OCM: variants seen among roughly 807,000 people sequenced by gnomAD.
The protein encoded by OCM is oncomodulin.
OCM carries 18 observed loss-of-function variants against 14.1 expected under a neutral mutation model. That is an observed-to-expected ratio of 1.28 (90% CI 0.88 to 1.89). The LOEUF (loss-of-function observed/expected upper bound fraction) is 1.89. OCM is among the 40% of genes most tolerant of loss of function. The pLI, the probability that OCM is intolerant of heterozygous loss-of-function variation, is 0.00. For synonymous variants in OCM, 48 were observed against 51.0 expected (o/e 0.94, Z 0.25); for missense variants, 140 against 137.6 (o/e 1.02, Z -0.09).
chr7:5,867,428 C>T, the OCM span, among the ~76,000 whole-genome samples: 1,224 of 152,272 alleles, frequency 8.0e-3, 14 homozygotes, highest in African/African-American at 0.028. Flanking sequence ...TGGTTTTAAA[C>T]AATTTTATAA....
At chr7:5,876,228 TC>T (rs1781092854), upstream of OCM, among the ~76,000 whole-genome samples, 1 of 152,170 alleles carries the variant, frequency 6.6e-6, no homozygotes, top group South Asian at 2.1e-4. Flanking sequence ...GGCCTCGAAC[TC>T]CTGACCTCAG....
the OCM span, among the ~76,000 whole-genome samples, chr7:5,871,097 A>C: frequency 1.3e-5 from 2 of 152,080 alleles, no homozygotes. Context: ...CTGTAATCCC[A>C]GCAGTTTGGG....
At chr7:5,882,404 G>A in intron 1 of OCM, 89 bp from the exon 2 acceptor site, 2 of 1,472,112 alleles carry the variant, frequency 1.4e-6, no homozygotes, top group South Asian at 1.2e-5. Context: ...TTGTTGAAGT[G>A]TTTTTAATTA....
At chr7:5,873,581 G>T in the OCM span, among the ~76,000 whole-genome samples, 2 of 152,036 alleles carry the variant, frequency 1.3e-5, no homozygotes, top group Non-Finnish European at 2.9e-5. Flanking sequence ...CTGGGCTCAA[G>T]CAATGCTCCT....
chr7:5,884,605 T>C (rs1428075643), intron 3 of OCM, among the ~76,000 whole-genome samples: 3 of 152,146 alleles, frequency 2.0e-5, no homozygotes, highest in Non-Finnish European at 4.4e-5. Context: ...TTTTGTCATG[T>C]TGCTAGCGTG....
chr7:5,886,308 T>A lies in OCM; in HGVS notation c.*219T>A, dbSNP rs757552418. ...CCCTGACAACTTCTGTAAGCCCCCC[T>A]TCCCCCAACAGGCAATGCCTCTAAA... On this transcript the variant is annotated 3_prime_UTR_variant, in exon 4 of 4. Coordinates refer to ENST00000242104, the MANE Select transcript of OCM (RefSeq NM_001097622.2). The A allele has an allele frequency of 5.5e-6, 3 of 548,650 alleles. No homozygotes were observed. The highest frequency in any genetic ancestry group is 9.8e-6 in the Non-Finnish European group (3 of 305,568). 34.0% of individuals were successfully genotyped at this position (548,650 alleles called of 1,614,324 possible). A position where few individuals can be genotyped will look rare whatever the true frequency, so the allele number is the denominator to read the frequency against.
the OCM span, chr7:5,871,737 C>A: frequency 6.6e-6 from 1 of 151,696 alleles, no homozygotes. Context: ...TTCCTTTTTT[C>A]TTTCTTTTTT....
the OCM span, among the ~76,000 whole-genome samples, chr7:5,869,592 T>TA: frequency 6.6e-6 from 1 of 151,948 alleles, no homozygotes; most frequent in East Asian, 1.9e-4. Context: ...AGATTCCATC[T>TA]AAAAAAGAAA....
chr7:5,875,018 C>T (rs549819714), upstream of OCM, among the ~76,000 whole-genome samples: 8 of 151,018 alleles, frequency 5.3e-5, no homozygotes, highest in South Asian at 1.7e-3. Flanking sequence ...TACAATATCT[C>T]TGTGTGAATC....
At chr7:5,883,196 A>G (rs921701278) in intron 2 of OCM, among the ~76,000 whole-genome samples, 16 of 152,122 alleles carry the variant, frequency 1.1e-4, no homozygotes, top group African/African-American at 3.9e-4. Context: ...TTAAAAAACT[A>G]AAAACTTGGC....
chr7:5,876,875 G>A (rs577492132), upstream of OCM, among the ~76,000 whole-genome samples: 2 of 150,414 alleles, frequency 1.3e-5, no homozygotes, highest in Non-Finnish European at 3.0e-5. Context: ...GTGCGATCTC[G>A]GCTCACCGCA....
At chr7:5,873,943 C>T in the OCM span, among the ~76,000 whole-genome samples, 84 of 151,512 alleles carry the variant, frequency 5.5e-4, no homozygotes, top group African/African-American at 2.0e-3. Context: ...AGGCTGGGCG[C>T]GGTGGCTCAC....
At chr7:5,872,976 G>A in the OCM span, among the ~76,000 whole-genome samples, 17 of 152,180 alleles carry the variant, frequency 1.1e-4, no homozygotes, top group African/African-American at 3.9e-4. Flanking sequence ...GCCAAGAAGG[G>A]AGGATGGCTT....
chr7:5,882,950 C>T (rs1781252431), intron 2 of OCM, among the ~76,000 whole-genome samples: 1 of 149,558 alleles, frequency 6.7e-6, no homozygotes, highest in South Asian at 2.1e-4. Context: ...TCAAGTGATT[C>T]TCATGCCTCA....
At chr7:5,861,747 TTTGTTG>T in the OCM span, among the ~76,000 whole-genome samples, 114 of 152,184 alleles carry the variant, frequency 7.5e-4, no homozygotes, top group African/African-American at 2.4e-3. Context: ...TTATTTATAA[TTTGTTG>T]TTGTTGTTAG....
At chr7:5,875,936 A>G (rs1029739488), upstream of OCM, among the ~76,000 whole-genome samples, 2 of 151,814 alleles carry the variant, frequency 1.3e-5, no homozygotes, top group African/African-American at 4.8e-5. Context: ...CCCAGCCTCA[A>G]TCAATCTTCC....
chr7:5,878,307 G>C (rs111489883), upstream of OCM, among the ~76,000 whole-genome samples: 1,926 of 151,976 alleles, frequency 0.013, 42 homozygotes, highest in East Asian at 0.06. Flanking sequence ...ATGCTTACCA[G>C]GAGCTGGACT....
At chr7:5,877,747 G>A (rs1781123419), upstream of OCM, among the ~76,000 whole-genome samples, 1 of 147,158 alleles carries the variant, frequency 6.8e-6, no homozygotes, top group African/African-American at 2.5e-5. Context: ...TTGAACCTGG[G>A]AGGTGGAGGT....
the OCM span, among the ~76,000 whole-genome samples, chr7:5,863,531 AT>A: frequency 4.0e-3 from 527 of 133,408 alleles, 1 homozygote; most frequent in African/African-American, 8.8e-3. Context: ...TGGATGGTTC[AT>A]TTTTTTTTTT....
Sources: allele counts gnomAD v4.1 joint callset (sites outside exome capture counted in the v4.1 genomes callset), GRCh38; gene constraint gnomAD v4.1.1; transcripts MANE v1.5; gene names NCBI Gene and HGNC (gene_info 2026-07-23, HGNC 2026-07-21).